DOCK9: variants seen among roughly 807,000 people sequenced by gnomAD.
DOCK9 encodes the protein dedicator of cytokinesis 9, also known as dedicator of cytokinesis protein 9.
In DOCK9, 89 loss-of-function variants were observed where a neutral mutation model predicts 263.3. The ratio of observed to expected loss-of-function variants is 0.34; its 90% CI spans 0.28 to 0.40. The LOEUF is 0.40. Ranked by LOEUF, DOCK9 falls within the 10% of genes least tolerant of loss-of-function variation. DOCK9 has a pLI of 1.00. For synonymous variants in DOCK9, 976 were observed against 973.1 expected, an observed-to-expected ratio of 1.00 and a Z score of -0.06; for missense variants, 2,140 against 2,603.4, an observed-to-expected ratio of 0.82 and a Z score of 3.87.
intron 5 of DOCK9, 56 bp from the exon 6 acceptor site, chr13:98,922,202 G>T: frequency 7.2e-7 from 1 of 1,393,634 alleles, no homozygotes; most frequent in African/African-American, 1.4e-5. Context: ...TGGGTTGCTT[G>T]CTGTGAGTTT....
At chr13:98,942,227 TTTTTGTTG>T (rs1330721212) in intron 2 of DOCK9, among the ~76,000 whole-genome samples, 1 of 134,658 alleles carries the variant, frequency 7.4e-6, no homozygotes, top group East Asian at 2.0e-4. Context: ...TATGTTTTTT[TTTTTGTTG>T]TTTTTTTTTT....
chr13:98,833,651 T>C (rs185612027), intron 39 of DOCK9, among the ~76,000 whole-genome samples: 57 of 152,366 alleles, frequency 3.7e-4, no homozygotes, highest in African/African-American at 1.3e-3. Flanking sequence ...CCATAACCTG[T>C]TGTAAACCTC....
intron 8 of DOCK9, among the ~76,000 whole-genome samples, chr13:98,914,740 C>G (rs1425910402): frequency 6.6e-6 from 1 of 152,096 alleles, no homozygotes; most frequent in Non-Finnish European, 1.5e-5. Flanking sequence ...TTTGTGGGAC[C>G]AGGTAAATGG....
rs1444371424 is a variant in DOCK9, at chr13:98,831,729, A to G, written c.4372T>C (p.Tyr1458His). 2.5e-6 allele frequency: 4 copies of G among 1,613,928 alleles called. No individual in the cohort carries two copies. Among genetic ancestry groups the G allele is most frequent in the Non-Finnish European group, 3.4e-6 (4 of 1,179,900 alleles). Reference protein sequence around the residue: ...NPLMKKVFDVYLCFLQKHQSE... With the variant: ...NPLMKKVFDVHLCFLQKHQSE... ...TGATGTTTTTGAAGAAAACACAGGTAGACATCAAAAACTTTTTTCATGAGA... is the reference window on the plus strand; with the variant it reads ...TGATGTTTTTGAAGAAAACACAGGTGGACATCAAAAACTTTTTTCATGAGA... The change falls in exon 40 of 53, where the codon TAC becomes CAC. Residue 1458 changes from tyrosine to histidine, a missense_variant. This residue lies in a region of DOCK9 where 619 missense variants were observed against 861.8 expected (regional missense o/e 0.72). Transcript: ENST00000682017.
At chr13:98,807,876 C>T in intron 47 of DOCK9, 69 bp from the exon 48 acceptor site, 1 of 1,305,398 alleles carries the variant, frequency 7.7e-7, no homozygotes, top group African/African-American at 1.5e-5. Flanking sequence ...AGGAAGCGTT[C>T]TTTTATTACA....
chr13:98,823,165 A>T (rs1294984036), intron 45 of DOCK9, among the ~76,000 whole-genome samples: 2 of 151,672 alleles, frequency 1.3e-5, no homozygotes, highest in Non-Finnish European at 2.9e-5. Context: ...AGTATTTTCC[A>T]TTTTTACAAC....
chr13:99,015,406 C>A (rs1386064287), intron 1 of DOCK9: 4 of 1,478,412 alleles, frequency 2.7e-6, no homozygotes, highest in Middle Eastern at 2.3e-4. Flanking sequence ...TTTATTCTAA[C>A]ACCATTAAAC....
At chr13:98,970,956 T>C (rs766723291) in intron 1 of DOCK9, among the ~76,000 whole-genome samples, 5 of 152,170 alleles carry the variant, frequency 3.3e-5, no homozygotes, top group Non-Finnish European at 5.9e-5. Flanking sequence ...CAAGATCCCA[T>C]TCTGTAGCTC....
At chr13:99,002,132 TA>T (rs934111745) in intron 1 of DOCK9, among the ~76,000 whole-genome samples, 6 of 152,224 alleles carry the variant, frequency 3.9e-5, no homozygotes, top group African/African-American at 7.2e-5. Flanking sequence ...TAAATTCTAG[TA>T]AAAAGTAAAT....
At chr13:98,882,875 C>T (rs953793048) in intron 23 of DOCK9, among the ~76,000 whole-genome samples, 167 bp downstream of exon 23, 1 of 152,146 alleles carries the variant, frequency 6.6e-6, no homozygotes, top group Non-Finnish European at 1.5e-5. Flanking sequence ...GGAGTAGTGC[C>T]GTTCCTAGGT....
intron 33 of DOCK9, chr13:98,857,315 T>C (rs565123860): frequency 2.6e-5 from 4 of 152,214 alleles, no homozygotes; most frequent in Non-Finnish European, 5.9e-5. Context: ...ACTGGGATAC[T>C]TCTAAGTTAA....
chr13:98,809,178 G>C (rs1213148869), intron 47 of DOCK9, 174 bp downstream of exon 47: 1 of 1,426,800 alleles, frequency 7.0e-7, no homozygotes, highest in East Asian at 2.5e-5. Flanking sequence ...AAAGCAGAAA[G>C]TTTACTACTG....
chr13:98,897,417 C>T, intron 15 of DOCK9, 71 bp downstream of exon 15: 2 of 1,579,182 alleles, frequency 1.3e-6, no homozygotes, highest in Non-Finnish European at 1.7e-6. Context: ...TAAGTGACTG[C>T]TCCCCTGTTC....
chr13:98,907,750 G>A (rs574405078), intron 9 of DOCK9, among the ~76,000 whole-genome samples: 1 of 152,298 alleles, frequency 6.6e-6, no homozygotes, highest in African/African-American at 2.4e-5. Flanking sequence ...ATTAAACACA[G>A]AGGATGCCCA....
At chr13:98,854,495 T>G (rs1336621895) in intron 34 of DOCK9, 1 of 151,660 alleles carries the variant, frequency 6.6e-6, no homozygotes, top group Non-Finnish European at 1.5e-5. Flanking sequence ...ACAGGGGAAA[T>G]TAGTGGCAAA....
At chr13:99,086,877 CG>C (rs1408999945), upstream of DOCK9, among the ~76,000 whole-genome samples, 2 of 151,748 alleles carry the variant, frequency 1.3e-5, no homozygotes, top group Admixed American at 6.6e-5. Flanking sequence ...GCCTCCGCCC[CG>C]GGCCGCACGT....
rs1249641964 is a variant in DOCK9 at position 98,903,097 on chromosome 13, A to G, written c.1051T>C (p.Ser351Pro). 6.6e-6 allele frequency: 10 copies of G among 1,511,658 alleles called. No individual in the cohort carries two copies. The highest frequency in any genetic ancestry group is 7.0e-6 in the Non-Finnish European group (8 of 1,135,090). The allele number at this position is 1,511,658 out of a possible 1,614,324, so 93.6% of individuals were successfully genotyped here. A position where few individuals can be genotyped will look rare whatever the true frequency, so the allele number is the denominator to read the frequency against. ...AATGACTTCACTTCTGGCTCAGCTG[A>G]TGAGAAGTCAAGCTTCTTTAAAAGA... Reference protein sequence around the residue: ...DPDAQKLDFSSAEPEVKSFEE... With the variant: ...DPDAQKLDFSPAEPEVKSFEE... The change falls in exon 11 of 53, where the codon TCA (serine) becomes CCA (proline). Residue 351 changes from serine (S) to proline (P), a missense_variant. By Grantham distance (74) the Ser-to-Pro change is moderately conservative. Coordinates refer to ENST00000682017, the MANE Select transcript of DOCK9 (RefSeq NM_001366683.2).
intron 1 of DOCK9, among the ~76,000 whole-genome samples, chr13:98,965,936 A>G (rs943040858): frequency 6.6e-6 from 1 of 152,222 alleles, no homozygotes; most frequent in African/African-American, 2.4e-5. Context: ...TTTATACAGC[A>G]GTTATACAGA....
At chr13:98,967,431 T>A (rs1227942964) in intron 1 of DOCK9, among the ~76,000 whole-genome samples, 1 of 152,222 alleles carries the variant, frequency 6.6e-6, no homozygotes. Flanking sequence ...ACCATTTCAC[T>A]GATGAGGAAA....
Sources: gnomAD v4.1 joint callset for allele counts (sites outside exome capture counted in the v4.1 genomes callset) on GRCh38, gnomAD v4.1.1 for gene constraint, gnomAD v4.1.1 regional missense constraint, MANE v1.5 for transcripts, NCBI Gene and HGNC (gene_info 2026-07-23, HGNC 2026-07-21) for gene names.